Variants in ATAD3A observed in about 807,000 individuals in gnomAD.
ATAD3A encodes ATPase family AAA domain containing 3A, also known as ATPase family AAA domain-containing protein 3A.
A neutral mutation model predicts 73.8 loss-of-function variants in ATAD3A; 46 were observed. The ratio of observed to expected loss-of-function variants is 0.62; its 90% CI spans 0.49 to 0.80. The LOEUF (loss-of-function observed/expected upper bound fraction) is 0.80. ATAD3A is among the 30% of genes least tolerant of loss of function. ATAD3A has a pLI of 0.00. For synonymous variants in ATAD3A, 319 were observed against 350.0 expected (o/e 0.91, Z 0.99); for missense variants, 705 against 838.0 (o/e 0.84, Z 1.96).
chr1:1,524,952 C>G (rs944742606), intron 11 of ATAD3A, among the ~76,000 whole-genome samples: 1 of 152,200 alleles, frequency 6.6e-6, no homozygotes, highest in Non-Finnish European at 1.5e-5. Context: ...GGACTCTAAG[C>G]GGCCACCAGT....
Position 1,523,889 on chromosome 1 carries a change from C to G in ATAD3A, c.1014C>G (p.Thr338=), listed in dbSNP as rs143463496. The G allele has an allele frequency of 7.4e-6, 12 of 1,613,886 alleles. No homozygotes were observed. In the South Asian group the frequency reaches 1.1e-4, roughly 15 times the overall value. The change falls in exon 10 of 16, where the codon ACC becomes ACG. Residue 338 remains threonine (T), a synonymous_variant. Transcript: ENST00000378756. The surrounding 1 kb of genome is among the most constrained non-coding windows in gnomAD (Gnocchi z 5.1). ...ACATCGCCATAGCAACAAGGAACAC[C>G]AAGAAGAACCGCAGCCTGTACAGGA... The part of the protein sequence containing the change: ...VRDIAIATRN[T]KKNRSLYRNI...
rs139994378 is a variant in ATAD3A at position 1,517,261 on chromosome 1, G to A, written c.283-50G>A. 1.4e-3 allele frequency: 2,232 copies of A among 1,547,120 alleles called. 84 individuals carry two copies. In the African/African-American group the frequency reaches 0.028, roughly 20 times the overall value. On this transcript the variant is annotated intron_variant, in intron 2 of 15. Transcript: ENST00000378756. ...GTGCAGACACAGGAGCGGCTGTCAG[G>A]CAGTGCCAGCCCTGAGCAAGTGCCA...
chr1:1,524,079 C>G, intron 10 of ATAD3A, 115 bp downstream of exon 10: 2 of 1,584,178 alleles, frequency 1.3e-6, no homozygotes, highest in Non-Finnish European at 1.7e-6. Context: ...CTTTGCCCAC[C>G]CTCGTGTAGG....
chr1:1,531,309 G>C (rs1305904645), intron 15 of ATAD3A, among the ~76,000 whole-genome samples: 1 of 151,606 alleles, frequency 6.6e-6, no homozygotes, highest in Non-Finnish European at 1.5e-5. Context: ...AAATTAGCTG[G>C]GTGTGGTGGC....
rs757116947 is a variant in ATAD3A, at chr1:1,529,314, C to G, written c.1597C>G (p.Leu533Val). 3.8e-6 allele frequency: 6 copies of G among 1,593,306 alleles called. No homozygotes were observed. The highest frequency in any genetic ancestry group is 5.1e-6 in the Non-Finnish European group (6 of 1,171,054). The change falls in exon 15 of 16, where the codon CTG becomes GTG. Residue 533 changes from leucine to valine, a missense_variant. By Grantham distance (32) the Leu-to-Val change is conservative. Around this residue, in one of 5 missense-constraint regions of ATAD3A, gnomAD observed 252 missense variants for 278.5 expected, o/e 0.90. Transcript: ENST00000378756. ...EGMSGREIAQ[L>V]AVSWQATAYA... ...CATGTCGGGCCGGGAGATCGCTCAG[C>G]TGGCCGTGTCCTGGCAGGTGAGTCA... is the stretch of plus-strand genomic sequence containing the variant.
intron 1 of ATAD3A, among the ~76,000 whole-genome samples, chr1:1,513,948 C>G (rs1557453985): frequency 6.6e-6 from 1 of 152,080 alleles, no homozygotes; most frequent in Non-Finnish European, 1.5e-5. Context: ...CTGACCCCTC[C>G]TCCGGCCTGT....
Position 1,523,367 on chromosome 1 carries a change from G to A in ATAD3A, c.907-144G>A, listed in dbSNP as rs1193390711. On this transcript the variant is annotated intron_variant, in intron 8 of 15. Transcript: ENST00000378756. The surrounding 1 kb of genome is among the most constrained non-coding windows in gnomAD (Gnocchi z 5.1). ...AATAGCCGCCTGGTCTCCGGGCGGG[G>A]CAGGGTTCCAGCTCCGGGCCGGTCC... is the stretch of plus-strand genomic sequence containing the variant. 3.6e-6 allele frequency: 5 copies of A among 1,372,612 alleles called. No individual in the cohort carries two copies. The highest frequency in any genetic ancestry group is 5.0e-6 in the Non-Finnish European group (5 of 1,003,570). The allele number at this position is 1,372,612 out of a possible 1,614,324, so 85.0% of individuals were successfully genotyped here. A position where few individuals can be genotyped will look rare whatever the true frequency, so the allele number is the denominator to read the frequency against.
Position 1,522,478 on chromosome 1 carries a change from G to A in ATAD3A, c.751-266G>A, listed in dbSNP as rs546517983. Among the ~76,000 whole-genome samples, 221 of 152,346 alleles carry A rather than the reference G, an allele frequency of 1.5e-3. 1 individual carries two copies. In the Middle Eastern group the frequency reaches 0.024, roughly 16 times the overall value. The stretch of plus-strand genomic sequence containing the variant: ...TCCGGCTGGGTCTGTCCAGGGCCCC[G>A]CTCAGCGACCGAGGCTTTCTAGGAT... On this transcript the variant is annotated intron_variant, in intron 7 of 15. Coordinates refer to ENST00000378756, the MANE Select transcript of ATAD3A (RefSeq NM_001170535.3).
intron 1 of ATAD3A, among the ~76,000 whole-genome samples, chr1:1,513,822 C>G (rs534323573): frequency 2.0e-5 from 3 of 151,996 alleles, no homozygotes; most frequent in African/African-American, 4.8e-5. Context: ...GAGATTCGGC[C>G]GGAGCCCATT....
At position 1,520,328 on chromosome 1, in the gene ATAD3A, G is replaced by C; in HGVS notation, c.680+22G>C. 1 of 1,606,840 alleles carries C rather than the reference G, an allele frequency of 6.2e-7. No individual in the cohort carries two copies. The highest frequency in any genetic ancestry group is 8.5e-7 in the Non-Finnish European group (1 of 1,174,682). ...TCAGGTGAGCACTGCCGAGGCCCGG[G>C]CCGGCCACAGATGGAGCCCCGCAGG... On this transcript the variant is annotated intron_variant, in intron 6 of 15. Coordinates refer to ENST00000378756, the MANE Select transcript of ATAD3A (RefSeq NM_001170535.3). The surrounding 1 kb of genome is among the most constrained non-coding windows in gnomAD (Gnocchi z 4.0).
chr1:1,522,911 G>A lies in ATAD3A; in HGVS notation c.906+12G>A. ...GGCACCCCATCCAGGTAGCAGCGCAGGCCTGGCCCTCCCTGAGTGCAGTTC... is the reference window on the plus strand; with the variant it reads ...GGCACCCCATCCAGGTAGCAGCGCAAGCCTGGCCCTCCCTGAGTGCAGTTC... On this transcript the variant is annotated intron_variant, in intron 8 of 15. Coordinates refer to ENST00000378756, the MANE Select transcript of ATAD3A (RefSeq NM_001170535.3). 2 of 1,605,826 alleles carry A rather than the reference G, an allele frequency of 1.2e-6. No homozygotes were observed. Among genetic ancestry groups the A allele is most frequent in the Non-Finnish European group, 1.7e-6 (2 of 1,179,238 alleles).
intron 14 of ATAD3A, 144 bp from the exon 15 acceptor site, chr1:1,529,079 G>A (rs1047604195): frequency 4.7e-6 from 6 of 1,288,600 alleles, no homozygotes; most frequent in Non-Finnish European, 6.5e-6. Flanking sequence ...CAGGGAGGAT[G>A]TGGAGCTGGG....
At chr1:1,518,022 ACACT>A (rs1191603352) in intron 4 of ATAD3A, among the ~76,000 whole-genome samples, 1 of 151,728 alleles carries the variant, frequency 6.6e-6, no homozygotes, top group Non-Finnish European at 1.5e-5. Flanking sequence ...CCTCGCACAC[ACACT>A]CCCAGCACAC....
At position 1,523,977 on chromosome 1, in the gene ATAD3A, G is replaced by T. The variant is rs536270070; in HGVS notation, c.1089+13G>T. On this transcript the variant is annotated intron_variant, in intron 10 of 15. Coordinates refer to ENST00000378756, the MANE Select transcript of ATAD3A (RefSeq NM_001170535.3). This position sits in a 1 kb window ranked among gnomAD's most constrained non-coding sequence, Gnocchi z 5.1. Reference sequence around the variant, plus strand: ...GCTGTTTGCCAAGGTGAGAGCGCCTGGCTGAACAGGTGGGCCAGGGGCCGC... The same window carrying T: ...GCTGTTTGCCAAGGTGAGAGCGCCTTGCTGAACAGGTGGGCCAGGGGCCGC... The T allele has an allele frequency of 1.7e-4, 267 of 1,613,026 alleles. No homozygotes were observed. The highest frequency in any genetic ancestry group is 2.1e-4 in the Non-Finnish European group (253 of 1,179,872).
chr1:1,520,108 A>G lies in ATAD3A; in HGVS notation c.515-33A>G, dbSNP rs371366274. 69 of 1,600,284 alleles carry G rather than the reference A, an allele frequency of 4.3e-5. No individual in the cohort carries two copies. The African/African-American group carries it at 8.0e-4, about 19-fold the overall frequency. On this transcript the variant is annotated intron_variant, in intron 5 of 15. Transcript: ENST00000378756. This position sits in a 1 kb window ranked among gnomAD's most constrained non-coding sequence, Gnocchi z 4.0. ...GGTGGAGGTGGACGCGCTGCACTGC[A>G]TGGTGCTGAGCTGCCCTGCCTCTCT...
rs1641957913 is a variant in ATAD3A at position 1,529,342 on chromosome 1, C to G, written c.1614+11C>G. The G allele has an allele frequency of 1.3e-6, 2 of 1,555,726 alleles. No individual in the cohort carries two copies. Among genetic ancestry groups the G allele is most frequent in the Non-Finnish European group, 8.7e-7 (1 of 1,148,998 alleles). On this transcript the variant is annotated intron_variant, in intron 15 of 15. Coordinates refer to ENST00000378756, the MANE Select transcript of ATAD3A (RefSeq NM_001170535.3). Reference sequence around the variant, plus strand: ...GCCGTGTCCTGGCAGGTGAGTCAGGCTCCGGCACGTCCACCCAGACGGGAC... The same window carrying G: ...GCCGTGTCCTGGCAGGTGAGTCAGGGTCCGGCACGTCCACCCAGACGGGAC...
chr1:1,515,612 C>G (rs1039044170), intron 1 of ATAD3A, among the ~76,000 whole-genome samples: 2 of 152,214 alleles, frequency 1.3e-5, no homozygotes, highest in African/African-American at 2.4e-5. Context: ...CATTCCCTTT[C>G]TTGCCTGCAT....
At chr1:1,525,118 AT>A in intron 11 of ATAD3A, 121 bp from the exon 12 acceptor site, 1 of 1,342,198 alleles carries the variant, frequency 7.5e-7, no homozygotes, top group Admixed American at 1.7e-5. Context: ...AGGGCTGCTG[AT>A]GGGGCAGAGC....
intron 12 of ATAD3A, 88 bp downstream of exon 12, chr1:1,525,379 T>TTCTTTTTC: frequency 6.5e-7 from 1 of 1,543,816 alleles, no homozygotes; most frequent in Non-Finnish European, 8.9e-7. Flanking sequence ...TCTGTTCAGT[T>TTCTTTTTC]TCTTTTTCTC....
Sources: allele counts gnomAD v4.1 joint callset (sites outside exome capture counted in the v4.1 genomes callset), GRCh38; gene constraint gnomAD v4.1.1; regional missense constraint gnomAD v4.1.1; non-coding constraint Gnocchi (gnomAD v3.1); transcripts MANE v1.5; gene names NCBI Gene and HGNC (gene_info 2026-07-23, HGNC 2026-07-21).